Variants in NEDD4 observed in about 807,000 individuals in gnomAD.
NEDD4 encodes NEDD4 E3 ubiquitin protein ligase.
NEDD4 carries 99 observed loss-of-function variants against 144.9 expected under a neutral mutation model. The observed-to-expected ratio is 0.68, with a 90% confidence interval of 0.58 to 0.81. NEDD4 has a LOEUF of 0.81. NEDD4 is among the 30% of genes least tolerant of loss of function. The pLI, the probability that NEDD4 is intolerant of heterozygous loss-of-function variation, is 0.00. For synonymous variants in NEDD4, 318 were observed against 350.6 expected (o/e 0.91, Z 1.04); for missense variants, 985 against 1,065.9 (o/e 0.92, Z 1.06).
chr15:55,830,064 AGAGCAATGCT>A (rs1364850339), intron 28 of NEDD4, 65 bp from the exon 29 acceptor site: 33 of 1,076,022 alleles, frequency 3.1e-5, no homozygotes, highest in Non-Finnish European at 4.6e-5. Flanking sequence ...CACAGCAAAC[AGAGCAATGCT>A]GCTATTCTTG....
chr15:55,873,706 T>C (rs1316097096), intron 6 of NEDD4, among the ~76,000 whole-genome samples: 1 of 152,182 alleles, frequency 6.6e-6, no homozygotes, highest in Non-Finnish European at 1.5e-5. Flanking sequence ...CTAATCTTTT[T>C]TACACAATGT....
chr15:55,979,917 C>CT (rs11425037), intron 1 of NEDD4, among the ~76,000 whole-genome samples: 17,386 of 146,334 alleles, frequency 0.12, 1,184 homozygotes, highest in East Asian at 0.32. Flanking sequence ...ATAATTATTA[C>CT]TTTTTTTTTT....
intron 1 of NEDD4, among the ~76,000 whole-genome samples, chr15:55,971,711 A>G (rs1337657478): frequency 3.3e-5 from 5 of 152,188 alleles, no homozygotes; most frequent in Non-Finnish European, 2.9e-5. Flanking sequence ...ATAATAACAA[A>G]GAACTTTCTA....
At chr15:55,925,985 C>T (rs549581215) in intron 4 of NEDD4, among the ~76,000 whole-genome samples, 1 of 151,830 alleles carries the variant, frequency 6.6e-6, no homozygotes, top group Admixed American at 6.6e-5. Flanking sequence ...AATACATATA[C>T]ATATGTATCA....
At chr15:55,835,378 G>A (rs1413968854) in intron 24 of NEDD4, among the ~76,000 whole-genome samples, 1 of 147,400 alleles carries the variant, frequency 6.8e-6, no homozygotes, top group African/African-American at 2.5e-5. Flanking sequence ...CTTTTTGTCT[G>A]CCTCTGTTAA....
At chr15:55,885,820 A>G (rs2035363999) in intron 5 of NEDD4, among the ~76,000 whole-genome samples, 1 of 152,126 alleles carries the variant, frequency 6.6e-6, no homozygotes, top group African/African-American at 2.4e-5. Flanking sequence ...AACAAATAAC[A>G]AAATGGCAGG....
intron 1 of NEDD4, among the ~76,000 whole-genome samples, chr15:55,988,440 A>G (rs2037931227): frequency 1.5e-5 from 2 of 136,682 alleles, no homozygotes; most frequent in Admixed American, 7.4e-5. Context: ...TAACCTGCGC[A>G]ATGTGCACAT....
chr15:55,940,518 TTCTC>T (rs60338644), intron 4 of NEDD4, among the ~76,000 whole-genome samples: 190 of 106,108 alleles, frequency 1.8e-3, no homozygotes, highest in Non-Finnish European at 2.2e-3. Context: ...CTCCTCCCCC[TTCTC>T]TCTCTCTCTC....
intron 2 of NEDD4, among the ~76,000 whole-genome samples, chr15:55,953,908 G>A (rs1393544320): frequency 2.0e-4 from 31 of 152,314 alleles, no homozygotes; most frequent in African/African-American, 7.2e-4. Flanking sequence ...TTTAAGTAGA[G>A]ATTGGATTTC....
At chr15:55,891,612 G>T (rs1398209990) in intron 5 of NEDD4, among the ~76,000 whole-genome samples, 1 of 152,146 alleles carries the variant, frequency 6.6e-6, no homozygotes, top group Admixed American at 6.5e-5. Flanking sequence ...ATGCCTGAAA[G>T]TCTGAAAAAG....
rs147122912 is a variant in NEDD4, at chr15:55,980,213, G to A, written c.45+13298C>T. 1.2e-4 allele frequency among the ~76,000 whole-genome samples: 19 copies of A among 152,324 alleles called. 1 individual carries two copies. Among genetic ancestry groups the A allele is most frequent in the Admixed American group, 9.8e-4 (15 of 15,302 alleles). The stretch of plus-strand genomic sequence containing the variant: ...CTCCCACAGTGCTGGGATTTCAGGC[G>A]TGAGCCACTGCACCTGGCCATCTTT... On this transcript the variant is annotated intron_variant, in intron 1 of 28. Transcript: ENST00000435532.
chr15:55,841,118 G>C (rs1002947587), intron 19 of NEDD4, among the ~76,000 whole-genome samples: 9 of 152,160 alleles, frequency 5.9e-5, no homozygotes, highest in African/African-American at 9.7e-5. Flanking sequence ...ATTTTTAGTA[G>C]AGACAGGGTT....
chr15:55,844,265 G>A (rs901886675), intron 18 of NEDD4, among the ~76,000 whole-genome samples: 1 of 152,178 alleles, frequency 6.6e-6, no homozygotes, highest in Non-Finnish European at 1.5e-5. Context: ...GGTGGACAGT[G>A]TGAATGCAGT....
In NEDD4 at chr15:55,931,910, A is replaced by G. The variant is rs527389223; in HGVS notation, c.238-7211T>C. 4.6e-5 allele frequency among the ~76,000 whole-genome samples: 7 copies of G among 152,094 alleles called. No individual in the cohort carries two copies. The South Asian group carries it at 1.5e-3, about 32-fold the overall frequency. On this transcript the variant is annotated intron_variant, in intron 4 of 28. Coordinates refer to ENST00000435532, the MANE Select transcript of NEDD4 (RefSeq NM_006154.4). Reference sequence around the variant, plus strand: ...TTATGTCTTTTAACAGACACTCCCCATTTTCCCTCAACCTTCCCAGGAAAC... The same window carrying G: ...TTATGTCTTTTAACAGACACTCCCCGTTTTCCCTCAACCTTCCCAGGAAAC...
At chr15:55,911,036 T>TC (rs199632907) in intron 5 of NEDD4, among the ~76,000 whole-genome samples, 1,718 of 151,680 alleles carry the variant, frequency 0.011, 14 homozygotes, top group Middle Eastern at 0.031. Context: ...GCCTCCCACA[T>TC]CCCCAGGCTA....
At chr15:55,927,199 G>A (rs1472291198) in intron 4 of NEDD4, among the ~76,000 whole-genome samples, 2 of 151,996 alleles carry the variant, frequency 1.3e-5, no homozygotes, top group Non-Finnish European at 2.9e-5. Flanking sequence ...TTGAAAGTTG[G>A]GAAGAATTTA....
chr15:55,871,644 A>AT (rs1156445422), intron 7 of NEDD4, among the ~76,000 whole-genome samples: 23 of 152,082 alleles, frequency 1.5e-4, no homozygotes, highest in Admixed American at 5.2e-4. Flanking sequence ...ACTCCTTTTC[A>AT]TTTTTTTAAT....
At chr15:55,865,719 T>C (rs1387778951) in intron 8 of NEDD4, among the ~76,000 whole-genome samples, 1 of 152,000 alleles carries the variant, frequency 6.6e-6, no homozygotes, top group Non-Finnish European at 1.5e-5. Flanking sequence ...GGAAGAGAAT[T>C]CTTCCACGTT....
chr15:55,866,381 T>C (rs2034589488), intron 8 of NEDD4, among the ~76,000 whole-genome samples: 1 of 152,254 alleles, frequency 6.6e-6, no homozygotes, highest in South Asian at 2.1e-4. Context: ...TCTTAAATTA[T>C]GATAATACAG....
Sources: allele counts gnomAD v4.1 joint callset (sites outside exome capture counted in the v4.1 genomes callset), GRCh38; gene constraint gnomAD v4.1.1; transcripts MANE v1.5; gene names NCBI Gene and HGNC (gene_info 2026-07-23, HGNC 2026-07-21).